The following NEK6 variants were observed in gnomAD, a reference collection of about 807,000 sequenced individuals.
The protein encoded by NEK6 is NIMA related kinase 6, also known as serine/threonine-protein kinase Nek6.
Under a neutral mutation model 43.5 loss-of-function variants are expected in NEK6, and 27 were observed. That is an observed-to-expected ratio of 0.62 (90% confidence interval 0.46 to 0.86). The LOEUF (loss-of-function observed/expected upper bound fraction) is 0.86, where lower values mean the gene tolerates loss of function less well. Ranked by LOEUF, NEK6 falls within the 40% of genes least tolerant of loss-of-function variation. The pLI is 0.00. For missense variants in NEK6, 318 were observed against 414.4 expected, an observed-to-expected ratio of 0.77 and a Z score of 2.02; for synonymous variants, 167 against 164.1, an observed-to-expected ratio of 1.02 and a Z score of -0.14.
At chr9:124,269,346 C>T (rs73584308) in intron 1 of NEK6, among the ~76,000 whole-genome samples, 24,275 of 151,834 alleles carry the variant, frequency 0.16, 1,999 homozygotes, top group Non-Finnish European at 0.17. Flanking sequence ...CCACCCCTGC[C>T]TGGGTGACCC....
At chr9:124,336,394 C>G (rs978358165) in intron 7 of NEK6, among the ~76,000 whole-genome samples, 6 of 152,168 alleles carry the variant, frequency 3.9e-5, no homozygotes, top group Admixed American at 1.3e-4. Flanking sequence ...GTGACTGACA[C>G]TAAATGGTAG....
intron 2 of NEK6, among the ~76,000 whole-genome samples, chr9:124,308,008 A>C (rs562267017): frequency 5.9e-5 from 9 of 152,310 alleles, no homozygotes; most frequent in African/African-American, 2.2e-4. Context: ...CGTCACCACG[A>C]CTGGAGAATG....
In NEK6 at chr9:124,294,396, G is replaced by A. The variant is rs564167215; in HGVS notation, c.-29-7540G>A. On this transcript the variant is annotated intron_variant, in intron 1 of 9. Transcript: ENST00000320246. ...CTGGTCTGAGAAGCAGGTTCAAATG[G>A]CAGGAGAATCACTTGAACCCAGGAG... Among the ~76,000 whole-genome samples the A allele has an allele frequency of 9.4e-4, 143 of 152,156 alleles. 1 individual carries two copies. The highest frequency in any genetic ancestry group is 3.3e-3 in the African/African-American group (136 of 41,502).
intron 1 of NEK6, among the ~76,000 whole-genome samples, chr9:124,300,494 ACAG>A (rs1251179532): frequency 6.6e-6 from 1 of 152,098 alleles, no homozygotes; most frequent in Non-Finnish European, 1.5e-5. Context: ...ACCAGGTGAG[ACAG>A]CAGGAGGCGG....
At chr9:124,294,914 A>G (rs4838155) in intron 1 of NEK6, among the ~76,000 whole-genome samples, 95,158 of 152,020 alleles carry the variant, frequency 0.63, 30,007 homozygotes, top group East Asian at 0.79. Flanking sequence ...GCCAGCACAG[A>G]GTGGAGGCCC....
intron 3 of NEK6, 114 bp downstream of exon 3, chr9:124,312,763 C>A: frequency 1.9e-6 from 2 of 1,026,534 alleles, no homozygotes; most frequent in African/African-American, 1.6e-5. Flanking sequence ...AGGGAAACAG[C>A]ACTCAACTCA....
At chr9:124,274,889 G>A (rs530379593) in intron 1 of NEK6, among the ~76,000 whole-genome samples, 21 of 152,286 alleles carry the variant, frequency 1.4e-4, no homozygotes, top group Admixed American at 3.9e-4. Context: ...GGGGCTGCCC[G>A]AGATGCCATG....
At chr9:124,325,302 T>A (rs374296594) in intron 5 of NEK6, among the ~76,000 whole-genome samples, 1 of 152,178 alleles carries the variant, frequency 6.6e-6, no homozygotes, top group South Asian at 2.1e-4. Context: ...GGCCTAGCCC[T>A]CCCTCTTAGG....
intron 1 of NEK6, among the ~76,000 whole-genome samples, chr9:124,294,030 G>T (rs1832558016): frequency 6.6e-6 from 1 of 152,188 alleles, no homozygotes; most frequent in African/African-American, 2.4e-5. Flanking sequence ...GACGTTTAAG[G>T]CTCAGGGAGG....
chr9:124,332,446 G>A (rs1013666576), intron 7 of NEK6, among the ~76,000 whole-genome samples: 1 of 152,214 alleles, frequency 6.6e-6, no homozygotes, highest in Non-Finnish European at 1.5e-5. Flanking sequence ...GAGGAAGCAG[G>A]TGCAGCCCAG....
At chr9:124,330,608 C>G (rs3780204) in intron 7 of NEK6, among the ~76,000 whole-genome samples, 101,457 of 152,244 alleles carry the variant, frequency 0.67, 33,973 homozygotes, top group East Asian at 0.79. Flanking sequence ...CTCGAGGTCA[C>G]GGCCCTGCTG....
At chr9:124,322,449 G>A (rs576545487) in intron 5 of NEK6, among the ~76,000 whole-genome samples, 17 of 152,192 alleles carry the variant, frequency 1.1e-4, no homozygotes, top group Non-Finnish European at 1.9e-4. Flanking sequence ...ACCCAGCCCA[G>A]TACGCTCATG....
rs1471193281 is a variant in NEK6 at position 124,324,080 on chromosome 9, A to G, written c.406-2250A>G. On this transcript the variant is annotated intron_variant, in intron 5 of 9. Transcript: ENST00000320246. This position sits in a 1 kb window ranked among gnomAD's most constrained non-coding sequence, Gnocchi z 5.3. ...GCTCCCGTTCCCTCCAACCCGGCTCAGGGGCCCTCACCTGCAGAGCTGGCT... is the reference window on the plus strand; with the variant it reads ...GCTCCCGTTCCCTCCAACCCGGCTCGGGGGCCCTCACCTGCAGAGCTGGCT... Among the ~76,000 whole-genome samples, 1 of 151,576 alleles carries G rather than the reference A, an allele frequency of 6.6e-6. No homozygotes were observed. Among genetic ancestry groups the G allele is most frequent in the Non-Finnish European group, 1.5e-5 (1 of 67,882 alleles).
intron 8 of NEK6, among the ~76,000 whole-genome samples, chr9:124,346,383 T>C (rs1829924556): frequency 6.6e-6 from 1 of 152,128 alleles, no homozygotes; most frequent in Admixed American, 6.5e-5. Flanking sequence ...CAAACCCTGC[T>C]ACCAAGGACT....
At chr9:124,333,602 T>G (rs973595778) in intron 7 of NEK6, among the ~76,000 whole-genome samples, 2 of 152,090 alleles carry the variant, frequency 1.3e-5, no homozygotes, top group African/African-American at 4.8e-5. Context: ...GAGTGAGGCC[T>G]TTTGGCAGCT....
intron 1 of NEK6, among the ~76,000 whole-genome samples, chr9:124,267,940 T>C (rs1183524949): frequency 6.6e-6 from 1 of 152,250 alleles, no homozygotes; most frequent in African/African-American, 2.4e-5. Context: ...TGGCCCCACT[T>C]TCCAAACTCC....
At chr9:124,345,533 C>T (rs1483442135) in intron 8 of NEK6, among the ~76,000 whole-genome samples, 1 of 152,188 alleles carries the variant, frequency 6.6e-6, no homozygotes, top group South Asian at 2.1e-4. Flanking sequence ...CTTGGGGGCT[C>T]AATGCTCCCC....
chr9:124,303,927 C>T (rs1413642114), intron 2 of NEK6, among the ~76,000 whole-genome samples: 1 of 152,236 alleles, frequency 6.6e-6, no homozygotes, highest in Non-Finnish European at 1.5e-5. Context: ...GAGGAGAGGG[C>T]CCTGTAATTA....
At chr9:124,285,741 G>A (rs780413257) in intron 1 of NEK6, among the ~76,000 whole-genome samples, 3 of 152,094 alleles carry the variant, frequency 2.0e-5, no homozygotes, top group Non-Finnish European at 2.9e-5. Context: ...CAGGAGGGCC[G>A]GGCCACCAGC....
Sources: allele counts gnomAD v4.1 joint callset (sites outside exome capture counted in the v4.1 genomes callset), GRCh38; gene constraint gnomAD v4.1.1; non-coding constraint Gnocchi (gnomAD v3.1); transcripts MANE v1.5; gene names NCBI Gene and HGNC (gene_info 2026-07-23, HGNC 2026-07-21).